CNTNAP2: variants seen among roughly 807,000 people sequenced by gnomAD.
CNTNAP2 encodes the protein contactin-associated protein-like 2.
In CNTNAP2, 98 loss-of-function variants were observed where a neutral mutation model predicts 155.2. The ratio of observed to expected loss-of-function variants is 0.63; its 90% CI spans 0.54 to 0.75. CNTNAP2 has a LOEUF of 0.75. Among genes scored for constraint, CNTNAP2 ranks in the 30% least tolerant of loss-of-function variants. The pLI is 0.00. For missense variants in CNTNAP2, 1,727 were observed against 1,688.1 expected, an observed-to-expected ratio of 1.02 and a Z score of -0.40; for synonymous variants, 651 against 631.2, an observed-to-expected ratio of 1.03 and a Z score of -0.47.
At position 148,123,940 on chromosome 7, in the gene CNTNAP2, C is replaced by T. The variant is rs1013180050; in HGVS notation, c.2554+5652C>T. On this transcript the variant is annotated intron_variant, in intron 16 of 23. Coordinates refer to ENST00000361727, the MANE Select transcript of CNTNAP2 (RefSeq NM_014141.6). The stretch of plus-strand genomic sequence containing the variant: ...CATCAGATTTAACATGTAGAGGTCA[C>T]GGTCAAAAAGTCAGGTATCACTAGG... Among the ~76,000 whole-genome samples, 8 of 152,240 alleles carry T rather than the reference C, an allele frequency of 5.3e-5. No homozygotes were observed. The South Asian group carries it at 6.2e-4, about 12-fold the overall frequency.
At chr7:146,236,249 A>C (rs1158558708) in intron 1 of CNTNAP2, among the ~76,000 whole-genome samples, 1 of 152,230 alleles carries the variant, frequency 6.6e-6, no homozygotes, top group East Asian at 1.9e-4. Flanking sequence ...ACTATTAAAA[A>C]AATAATTAAG....
At chr7:147,300,089 G>A in intron 8 of CNTNAP2, 52 bp from the exon 9 acceptor site, 1 of 1,582,954 alleles carries the variant, frequency 6.3e-7, no homozygotes, top group Non-Finnish European at 8.7e-7. Flanking sequence ...TGGAAATTGT[G>A]TTCAGCTGGG....
intron 10 of CNTNAP2, among the ~76,000 whole-genome samples, chr7:147,425,149 T>A (rs76373995): frequency 4.7e-5 from 7 of 148,624 alleles, no homozygotes; most frequent in Non-Finnish European, 1.0e-4. Flanking sequence ...TTTTTTTTTT[T>A]AGAAATTGTT....
chr7:146,137,349 A>T (rs1797812084), intron 1 of CNTNAP2, among the ~76,000 whole-genome samples: 1 of 152,172 alleles, frequency 6.6e-6, no homozygotes, highest in African/African-American at 2.4e-5. Context: ...TTAATATATT[A>T]TTGAAATATC....
At chr7:146,972,775 A>G (rs1310108269) in intron 3 of CNTNAP2, among the ~76,000 whole-genome samples, 1 of 152,162 alleles carries the variant, frequency 6.6e-6, no homozygotes, top group East Asian at 1.9e-4. Flanking sequence ...AAAACCTTTT[A>G]TTAATGTATT....
chr7:147,078,668 C>A (rs1026887122), intron 4 of CNTNAP2, among the ~76,000 whole-genome samples: 1 of 151,976 alleles, frequency 6.6e-6, no homozygotes, highest in Non-Finnish European at 1.5e-5. Context: ...TATTTGGTAT[C>A]TATCTAATTA....
intron 16 of CNTNAP2, among the ~76,000 whole-genome samples, chr7:148,143,116 A>C (rs1805109308): frequency 6.6e-6 from 1 of 152,174 alleles, no homozygotes; most frequent in Admixed American, 6.5e-5. Context: ...TCTCTTGAAA[A>C]ATTATAGAAT....
intron 3 of CNTNAP2, among the ~76,000 whole-genome samples, chr7:146,984,409 C>T (rs2129237492): frequency 6.6e-6 from 1 of 151,492 alleles, no homozygotes; most frequent in Non-Finnish European, 1.5e-5. Context: ...CTGCTTTTCC[C>T]TCCGTTGCTT....
At chr7:146,612,727 C>G (rs1375292106) in intron 1 of CNTNAP2, among the ~76,000 whole-genome samples, 1 of 152,120 alleles carries the variant, frequency 6.6e-6, no homozygotes, top group African/African-American at 2.4e-5. Context: ...ATATGTCATT[C>G]CCAAACCTGT....
chr7:147,262,832 T>C (rs1403015230), intron 8 of CNTNAP2, among the ~76,000 whole-genome samples: 1 of 151,804 alleles, frequency 6.6e-6, no homozygotes, highest in African/African-American at 2.4e-5. Context: ...AGGGAGAAGG[T>C]ACCCAAGTAC....
intron 8 of CNTNAP2, among the ~76,000 whole-genome samples, chr7:147,166,438 A>T (rs1802114677): frequency 6.6e-6 from 1 of 152,152 alleles, no homozygotes; most frequent in East Asian, 1.9e-4. Context: ...AATTGAGTTC[A>T]GTGTATACCG....
At chr7:146,331,874 T>C (rs1366765468) in intron 1 of CNTNAP2, among the ~76,000 whole-genome samples, 1 of 152,192 alleles carries the variant, frequency 6.6e-6, no homozygotes, top group Non-Finnish European at 1.5e-5. Flanking sequence ...TGAAGGTGCT[T>C]TTAATGTTTC....
chr7:147,136,674 G>C (rs1801486995), intron 8 of CNTNAP2, among the ~76,000 whole-genome samples: 1 of 151,802 alleles, frequency 6.6e-6, no homozygotes, highest in Non-Finnish European at 1.5e-5. Context: ...TTGATTTTAT[G>C]AACACTTGGA....
chr7:146,502,412 G>A (rs1192434797), intron 1 of CNTNAP2, among the ~76,000 whole-genome samples: 2 of 151,722 alleles, frequency 1.3e-5, no homozygotes, highest in Non-Finnish European at 2.9e-5. Context: ...CCATTAGTGA[G>A]ATTTCTGGAT....
chr7:146,732,659 T>C (rs944996986), intron 1 of CNTNAP2, among the ~76,000 whole-genome samples: 1 of 152,128 alleles, frequency 6.6e-6, no homozygotes, highest in East Asian at 1.9e-4. Context: ...AGAAATACAG[T>C]TGTCCCTCAT....
intron 1 of CNTNAP2, among the ~76,000 whole-genome samples, chr7:146,558,437 A>T (rs894457355): frequency 2.0e-5 from 3 of 152,138 alleles, no homozygotes; most frequent in African/African-American, 7.2e-5. Context: ...TTTGGGTATG[A>T]TTGACATATA....
intron 1 of CNTNAP2, among the ~76,000 whole-genome samples, chr7:146,403,843 A>C (rs1010682218): frequency 2.6e-5 from 4 of 152,172 alleles, no homozygotes; most frequent in African/African-American, 7.2e-5. Context: ...CGGTGTACTG[A>C]GATTCAGTCA....
intron 1 of CNTNAP2, among the ~76,000 whole-genome samples, chr7:146,241,947 A>G (rs1260740830): frequency 6.6e-6 from 1 of 152,204 alleles, no homozygotes; most frequent in Admixed American, 6.5e-5. Context: ...CTCACACTGA[A>G]TTGGAACAAA....
At chr7:146,865,575 G>A (rs150038501) in intron 3 of CNTNAP2, among the ~76,000 whole-genome samples, 2 of 152,174 alleles carry the variant, frequency 1.3e-5, no homozygotes, top group South Asian at 2.1e-4. Context: ...AACAAATGGT[G>A]TTAGAAAATG....
Sources: allele counts gnomAD v4.1 joint callset (sites outside exome capture counted in the v4.1 genomes callset), GRCh38; gene constraint gnomAD v4.1.1; transcripts MANE v1.5; gene names NCBI Gene and HGNC (gene_info 2026-07-23, HGNC 2026-07-21).